Variants in BRAT1 observed in about 807,000 individuals in gnomAD.
BRAT1 encodes integrator complex assembly factor BRAT1.
BRAT1 carries 74 observed loss-of-function variants against 70.6 expected under a neutral mutation model. The ratio of observed to expected loss-of-function variants is 1.05; its 90% CI spans 0.87 to 1.27. BRAT1 has a LOEUF of 1.27. Among genes scored for constraint, BRAT1 ranks in the 50% most tolerant of loss-of-function variants. The pLI, the probability that BRAT1 is intolerant of heterozygous loss-of-function variation, is 0.00. For missense variants in BRAT1, 1,203 were observed against 1,098.2 expected, an observed-to-expected ratio of 1.10 and a Z score of -1.35; for synonymous variants, 615 against 517.1, an observed-to-expected ratio of 1.19 and a Z score of -2.57.
In BRAT1 at chr7:2,545,474, T is replaced by C. The variant is rs139089190; in HGVS notation, c.283-418A>G. 5.4e-3 allele frequency among the ~76,000 whole-genome samples: 802 copies of C among 148,640 alleles called. 8 individuals are homozygous for C. The highest frequency in any genetic ancestry group is 6.9e-3 in the Non-Finnish European group (467 of 67,504). The stretch of plus-strand genomic sequence containing the variant: ...AGTTTTCCAGGGCTGGTGGAGATAC[T>C]TCTGGAGGACACTTTCTTCTTCTTT... On this transcript the variant is annotated intron_variant, in intron 3 of 13. Coordinates refer to ENST00000340611, the MANE Select transcript of BRAT1 (RefSeq NM_152743.4).
rs1779012886 is a variant in BRAT1, at chr7:2,539,892, G to A, written c.1396-4C>T. ...CCTGGAAGGCCTTCTTCAGAACCTG[G>A]AGCAGATAGGGTGGGCTGCAGGGCC... On this transcript the variant is annotated splice_polypyrimidine_tract_variant and splice_region_variant and intron_variant, in intron 10 of 13. Transcript: ENST00000340611. 1 of 1,542,278 alleles carries A rather than the reference G, an allele frequency of 6.5e-7. No homozygotes were observed. The highest frequency in any genetic ancestry group is 8.7e-7 in the Non-Finnish European group (1 of 1,145,836).
chr7:2,543,601 G>A lies in BRAT1; in HGVS notation c.792C>T (p.Leu264=). 6.6e-7 allele frequency: 1 copy of A among 1,519,420 alleles called. No homozygotes were observed. Among genetic ancestry groups the A allele is most frequent in the South Asian group, 1.3e-5 (1 of 76,540 alleles). The allele number at this position is 1,519,420 out of a possible 1,614,324, so 94.1% of individuals were successfully genotyped here. The change falls in exon 5 of 14, where the codon CTC becomes CTT. Residue 264 remains leucine (L), a synonymous_variant. Transcript: ENST00000340611. This position sits in a 1 kb window ranked among gnomAD's most constrained non-coding sequence, Gnocchi z 5.5. ...CCCGGGGCCCTGACCGAGCCACACAGAGAAGCAGGTCCACGAACGAGTGTG... is the reference window on the plus strand; with the variant it reads ...CCCGGGGCCCTGACCGAGCCACACAAAGAAGCAGGTCCACGAACGAGTGTG... ...PAAHSFVDLL[L]CVARSPVFSS... is the part of the protein sequence containing the mutation.
chr7:2,546,716 C>T (rs1229164095), intron 3 of BRAT1, among the ~76,000 whole-genome samples: 2 of 151,934 alleles, frequency 1.3e-5, no homozygotes, highest in Non-Finnish European at 2.9e-5. Flanking sequence ...GCCTGGGTGA[C>T]AGAGCAAGAC....
At chr7:2,553,818 T>TC (rs1466115115) in intron 2 of BRAT1, among the ~76,000 whole-genome samples, 3 of 151,896 alleles carry the variant, frequency 2.0e-5, no homozygotes, top group African/African-American at 7.2e-5. Flanking sequence ...ATTTTTGTTT[T>TC]TTTTTTTTTT....
intron 4 of BRAT1, among the ~76,000 whole-genome samples, chr7:2,544,607 C>T (rs1779461339): frequency 6.6e-6 from 1 of 152,084 alleles, no homozygotes; most frequent in Admixed American, 6.6e-5. Flanking sequence ...CTCAAGTGAT[C>T]CTCTTGCTTC....
At position 2,547,361 on chromosome 7, in the gene BRAT1, G is replaced by A. The variant is rs1373730811; in HGVS notation, c.245C>T (p.Thr82Ile). 2 of 1,614,130 alleles carry A rather than the reference G, an allele frequency of 1.2e-6. No homozygotes were observed. The highest frequency in any genetic ancestry group is 1.7e-6 in the Non-Finnish European group (2 of 1,180,018). ...VLSFSLRLAG[T>I]FAAQENCFQY... is the part of the protein sequence containing the mutation. ...GAAGCAGTTTTCCTGGGCTGCGAAGGTTCCTGCCAGGCGCAGTGAGAAGGA... is the reference window on the plus strand; with the variant it reads ...GAAGCAGTTTTCCTGGGCTGCGAAGATTCCTGCCAGGCGCAGTGAGAAGGA... The change falls in exon 3 of 14, where the codon ACC (threonine) becomes ATC (isoleucine). Residue 82 changes from threonine to isoleucine, a missense_variant. Thr to Ile is a moderately conservative substitution (Grantham distance 89). Transcript: ENST00000340611.
At chr7:2,548,371 A>G (rs1779767012) in intron 2 of BRAT1, among the ~76,000 whole-genome samples, 1 of 152,082 alleles carries the variant, frequency 6.6e-6, no homozygotes, top group South Asian at 2.1e-4. Flanking sequence ...GAGGAGAACC[A>G]GGCCAGGACC....
chr7:2,550,932 G>A (rs1353454845), intron 2 of BRAT1, among the ~76,000 whole-genome samples: 3 of 151,980 alleles, frequency 2.0e-5, no homozygotes, highest in Admixed American at 6.6e-5. Flanking sequence ...TCACACATGC[G>A]CCTGAACACT....
intron 2 of BRAT1, among the ~76,000 whole-genome samples, chr7:2,552,281 C>A (rs1251148688): frequency 6.7e-6 from 1 of 150,020 alleles, no homozygotes; most frequent in Non-Finnish European, 1.5e-5. Flanking sequence ...CCATGTCAGG[C>A]TAATTCTTGT....
chr7:2,554,704 C>T lies in BRAT1; in HGVS notation c.-16-257G>A, dbSNP rs11773376. ...GGGTCTAGCTGAAACCACAAGGCCTCCGGAACTCAAAGTCTGTCACCCTTG... is the reference window on the plus strand; with the variant it reads ...GGGTCTAGCTGAAACCACAAGGCCTTCGGAACTCAAAGTCTGTCACCCTTG... On this transcript the variant is annotated intron_variant, in intron 1 of 13. Transcript: ENST00000340611. Among the ~76,000 whole-genome samples the T allele has an allele frequency of 0.12, 18,423 of 152,280 alleles. 1,502 individuals are homozygous for T. Among genetic ancestry groups the T allele is most frequent in the Admixed American group, 0.17 (2,543 of 15,304 alleles).
chr7:2,555,127 G>A (rs931532113), intron 1 of BRAT1, among the ~76,000 whole-genome samples: 8 of 151,984 alleles, frequency 5.3e-5, no homozygotes, highest in African/African-American at 1.7e-4. Context: ...GGTGCGGAAA[G>A]GAAGGGGCGC....
Position 2,541,843 on chromosome 7 carries a change from G to C in BRAT1, c.1016-7C>G. ...GCCGTCCCGTCCAGCAAGCCTGGGGGCCAAGCCAGGAAGAGCTCCCTTAGA... is the reference window on the plus strand; with the variant it reads ...GCCGTCCCGTCCAGCAAGCCTGGGGCCCAAGCCAGGAAGAGCTCCCTTAGA... On this transcript the variant is annotated splice_region_variant and splice_polypyrimidine_tract_variant and intron_variant, in intron 7 of 13. Coordinates refer to ENST00000340611, the MANE Select transcript of BRAT1 (RefSeq NM_152743.4). 1 of 1,611,940 alleles carries C rather than the reference G, an allele frequency of 6.2e-7. No individual in the cohort carries two copies.
chr7:2,551,123 G>A (rs1028556503), intron 2 of BRAT1, among the ~76,000 whole-genome samples: 7 of 151,540 alleles, frequency 4.6e-5, no homozygotes, highest in Non-Finnish European at 7.4e-5. Context: ...ACCTTTAATC[G>A]CAGGTACTCA....
At chr7:2,553,646 TTTG>T (rs1780200181) in intron 2 of BRAT1, among the ~76,000 whole-genome samples, 1 of 151,932 alleles carries the variant, frequency 6.6e-6, no homozygotes, top group Non-Finnish European at 1.5e-5. Flanking sequence ...CATGTATTAC[TTTG>T]TTTTTTTTTT....
intron 3 of BRAT1, among the ~76,000 whole-genome samples, chr7:2,545,978 G>A (rs555148436): frequency 1.3e-3 from 193 of 152,356 alleles, no homozygotes; most frequent in African/African-American, 4.5e-3. Flanking sequence ...ATGTGCCTTC[G>A]CACAACCTGG....
Position 2,543,859 on chromosome 7 carries a change from A to G in BRAT1, c.534T>C (p.Gly178=), listed in dbSNP as rs1779381430. 1 of 1,612,710 alleles carries G rather than the reference A, an allele frequency of 6.2e-7. No homozygotes were observed. Among genetic ancestry groups the G allele is most frequent in the Non-Finnish European group, 8.5e-7 (1 of 1,179,920 alleles). ...GCAGGCAGGGCTGCCCCTCGGCTCCACCTCGCATGGACAAAGCCAGGACGT... is the reference window on the plus strand; with the variant it reads ...GCAGGCAGGGCTGCCCCTCGGCTCCGCCTCGCATGGACAAAGCCAGGACGT... ...LVHVLALSMR[G]GAEGQPCLPG... Residue 178 remains glycine (G), a synonymous_variant, in exon 5 of 14, where the codon GGT becomes GGC. Transcript: ENST00000340611. The surrounding 1 kb of genome is among the most constrained non-coding windows in gnomAD (Gnocchi z 5.5).
At position 2,543,902 on chromosome 7, in the gene BRAT1, G is replaced by A. The variant is rs771600489; in HGVS notation, c.491C>T (p.Ala164Val). ...CAGGACGTGCACCAGGAGCTGACTG[G>A]CCGCCGAGGCCACAAACAGGCTGGA... ...GDSSLFVASA[A>V]SQLLVHVLAL... Residue 164 changes from alanine (A) to valine (V), a missense_variant, in exon 5 of 14, where the codon GCC becomes GTC. Ala to Val is a moderately conservative substitution (Grantham distance 64). Coordinates refer to ENST00000340611, the MANE Select transcript of BRAT1 (RefSeq NM_152743.4). This position sits in a 1 kb window ranked among gnomAD's most constrained non-coding sequence, Gnocchi z 5.5. 50 of 1,607,592 alleles carry A rather than the reference G, an allele frequency of 3.1e-5. No individual in the cohort carries two copies. Among genetic ancestry groups the A allele is most frequent in the Non-Finnish European group, 4.2e-5 (49 of 1,176,144 alleles).
Position 2,538,107 on chromosome 7 carries a change from C to T in BRAT1, c.2428G>A (p.Gly810Arg), listed in dbSNP as rs781107087. 1.3e-6 allele frequency: 2 copies of T among 1,591,050 alleles called. No individual in the cohort carries two copies. Among genetic ancestry groups the T allele is most frequent in the South Asian group, 2.2e-5 (2 of 89,684 alleles). ...QSLLQDMLAT[G>R]GFLQGDEADC... ...GCCTCGTCCCCCTGCAGGAAGCCTC[C>T]CGTGGCCAGCATGTCCTGCAGGAGG... The change falls in exon 14 of 14, where the codon GGA (glycine) becomes AGA (arginine). Residue 810 changes from glycine to arginine, a missense_variant. Physicochemically the swap from Gly to Arg is moderately radical, Grantham distance 125. Transcript: ENST00000340611.
chr7:2,541,969 G>A (rs1779206833), intron 7 of BRAT1, 133 bp from the exon 8 acceptor site: 2 of 1,213,130 alleles, frequency 1.6e-6, no homozygotes, highest in Non-Finnish European at 2.3e-6. Flanking sequence ...AGGGGAGATG[G>A]CCATGTCCCC....
Sources: allele counts gnomAD v4.1 joint callset (sites outside exome capture counted in the v4.1 genomes callset), GRCh38; gene constraint gnomAD v4.1.1; non-coding constraint Gnocchi (gnomAD v3.1); transcripts MANE v1.5; gene names NCBI Gene and HGNC (gene_info 2026-07-23, HGNC 2026-07-21).